The following PSD2 variants were observed in gnomAD, a reference collection of about 807,000 sequenced individuals.
PSD2 encodes the protein pleckstrin and Sec7 domain containing 2, also known as PH and SEC7 domain-containing protein 2.
PSD2 carries 38 observed loss-of-function variants against 69.8 expected under a neutral mutation model. That is an observed-to-expected ratio of 0.54 (90% confidence interval 0.42 to 0.71). The LOEUF (loss-of-function observed/expected upper bound fraction) is 0.71, where lower values mean the gene tolerates loss of function less well. Ranked by LOEUF, PSD2 falls within the 30% of genes least tolerant of loss-of-function variation. The pLI is 0.00. For synonymous variants in PSD2, 412 were observed against 423.0 expected (o/e 0.97, Z 0.32); for missense variants, 943 against 1,014.5 (o/e 0.93, Z 0.96).
In PSD2 at chr5:139,837,000, G is replaced by A. The variant is rs1452723596; in HGVS notation, c.1593G>A (p.Arg531=). ...RKTHADMDGK[R]TPRGRRGWKK... ...CTCACGCTGACATGGATGGCAAGAG[G>A]AGTGGGTGTCAGGCTGGGAGAGGGG... is the stretch of plus-strand genomic sequence containing the variant. The change falls in exon 10 of 15, where the codon AGG becomes AGA. Residue 531 remains arginine (R), a splice_region_variant and synonymous_variant. Coordinates refer to ENST00000274710, the MANE Select transcript of PSD2 (RefSeq NM_032289.4). 1.2e-6 allele frequency: 2 copies of A among 1,611,244 alleles called. No individual in the cohort carries two copies. Among genetic ancestry groups the A allele is most frequent in the East Asian group, 2.2e-5 (1 of 44,786 alleles).
intron 5 of PSD2, among the ~76,000 whole-genome samples, chr5:139,820,094 G>A (rs1205529229): frequency 1.3e-5 from 2 of 152,200 alleles, no homozygotes; most frequent in Non-Finnish European, 2.9e-5. Flanking sequence ...ACAGAGGGAA[G>A]AGTAAAAGGG....
chr5:139,788,826 T>C, the PSD2 span, among the ~76,000 whole-genome samples: 2 of 152,214 alleles, frequency 1.3e-5, no homozygotes, highest in African/African-American at 4.8e-5. Flanking sequence ...GGGGAGGGAT[T>C]GCACAGGCAG....
At position 139,830,582 on chromosome 5, in the gene PSD2, CTT is replaced by C. The variant is rs1211139443; in HGVS notation, c.1270-3118_1270-3117del. On this transcript the variant is annotated intron_variant, in intron 7 of 14. Transcript: ENST00000274710. ...CCTTCCTTCCTTTCTTTCTTTCTTT[CTT>C]TCTTTCTTTTTCTTTCTTTCTTTCT... 4.5e-3 allele frequency among the ~76,000 whole-genome samples: 634 copies of C among 139,342 alleles called. 12 individuals carry two copies. The highest frequency in any genetic ancestry group is 0.016 in the African/African-American group (563 of 34,190). 91.4% of individuals were successfully genotyped at this position (139,342 alleles called of 152,430 possible).
At chr5:139,764,262 A>G in the PSD2 span, among the ~76,000 whole-genome samples, 1 of 152,108 alleles carries the variant, frequency 6.6e-6, no homozygotes, top group Non-Finnish European at 1.5e-5. Flanking sequence ...CGCCGCCACA[A>G]CCGCAGTGGC....
the PSD2 span, among the ~76,000 whole-genome samples, chr5:139,782,029 G>A: frequency 1.2e-4 from 18 of 152,306 alleles, no homozygotes; most frequent in South Asian, 3.5e-3. Flanking sequence ...AGAAAACAAA[G>A]GGATCAGAAG....
the PSD2 span, among the ~76,000 whole-genome samples, chr5:139,743,062 G>A: frequency 1.6e-4 from 24 of 152,294 alleles, 1 homozygote; most frequent in African/African-American, 4.8e-4. Flanking sequence ...GTCATTTCCC[G>A]GCAAGCTGAG....
chr5:139,774,401 T>A, the PSD2 span, among the ~76,000 whole-genome samples: 1 of 151,914 alleles, frequency 6.6e-6, no homozygotes, highest in African/African-American at 2.4e-5. Flanking sequence ...AAATAGTGAA[T>A]AATGGGCAGG....
In PSD2 at chr5:139,839,601, G is replaced by A. The variant is rs1311142645; in HGVS notation, c.1969-426G>A. ...CCATTACGTGTATCTGCGCATGAAT[G>A]TAAGAGAACGCGTGTATCATATGGA... is the stretch of plus-strand genomic sequence containing the variant. On this transcript the variant is annotated intron_variant, in intron 13 of 14. Coordinates refer to ENST00000274710, the MANE Select transcript of PSD2 (RefSeq NM_032289.4). The surrounding 1 kb of genome is among the most constrained non-coding windows in gnomAD (Gnocchi z 5.1). Among the ~76,000 whole-genome samples the A allele has an allele frequency of 6.6e-6, 1 of 152,236 alleles. No individual in the cohort carries two copies. The highest frequency in any genetic ancestry group is 1.5e-5 in the Non-Finnish European group (1 of 68,042).
chr5:139,808,543 G>A (rs766189949), intron 1 of PSD2, among the ~76,000 whole-genome samples: 5 of 152,188 alleles, frequency 3.3e-5, no homozygotes, highest in Admixed American at 1.3e-4. Flanking sequence ...GCAGAGCAGG[G>A]CCTGACTCCC....
Position 139,840,024 on chromosome 5 carries a change from C to T in PSD2, c.1969-3C>T. 1 of 1,614,094 alleles carries T rather than the reference C, an allele frequency of 6.2e-7. No individual in the cohort carries two copies. On this transcript the variant is annotated splice_region_variant and splice_polypyrimidine_tract_variant and intron_variant, in intron 13 of 14. Transcript: ENST00000274710. ...CCTCACAGTCCAGGATTTGTCTTTG[C>T]AGGAGGAGCAACTGCGGTCTCATGA...
At position 139,830,010 on chromosome 5, in the gene PSD2, G is replaced by GAA. The variant is rs537099756; in HGVS notation, c.1270-3678_1270-3677dup. On this transcript the variant is annotated intron_variant, in intron 7 of 14. Coordinates refer to ENST00000274710, the MANE Select transcript of PSD2 (RefSeq NM_032289.4). Reference sequence around the variant, plus strand: ...CTCACCAACCCTTTTCTTTTTTTTTGAAAAAAAAAAAAAAAGATAGCCATC... The same window carrying GAA: ...CTCACCAACCCTTTTCTTTTTTTTTGAAAAAAAAAAAAAAAAAGATAGCCATC... 1.5e-3 allele frequency among the ~76,000 whole-genome samples: 163 copies of GAA among 111,302 alleles called. 1 individual carries two copies. Among genetic ancestry groups the GAA allele is most frequent in the African/African-American group, 4.0e-3 (128 of 32,184 alleles). The allele number at this position is 111,302 out of a possible 152,430, so 73.0% of individuals were successfully genotyped here.
chr5:139,817,260 G>A (rs752715925), intron 4 of PSD2, among the ~76,000 whole-genome samples: 7 of 152,198 alleles, frequency 4.6e-5, no homozygotes, highest in East Asian at 1.9e-4. Context: ...TGGTTAGCTC[G>A]TAATTCCCTG....
chr5:139,840,464 T>C (rs1439266691), intron 14 of PSD2, among the ~76,000 whole-genome samples: 1 of 152,234 alleles, frequency 6.6e-6, no homozygotes, highest in Non-Finnish European at 1.5e-5. Flanking sequence ...AATGTACTTA[T>C]TTCTCCATGC....
chr5:139,817,889 A>G (rs1760161117), intron 5 of PSD2, among the ~76,000 whole-genome samples: 1 of 152,188 alleles, frequency 6.6e-6, no homozygotes. Flanking sequence ...CTCTGTACCC[A>G]GTAAGGTAGG....
intron 7 of PSD2, among the ~76,000 whole-genome samples, chr5:139,826,457 G>T (rs946736902): frequency 6.6e-6 from 1 of 152,160 alleles, no homozygotes; most frequent in Non-Finnish European, 1.5e-5. Context: ...AGTGTGAGTG[G>T]GGAATGTTGA....
chr5:139,752,326 C>T, the PSD2 span, among the ~76,000 whole-genome samples: 1 of 152,144 alleles, frequency 6.6e-6, no homozygotes, highest in Non-Finnish European at 1.5e-5. Context: ...ATAAGAACAC[C>T]CTTCCACTCC....
At chr5:139,823,063 G>C (rs1416367472) in intron 7 of PSD2, among the ~76,000 whole-genome samples, 2 of 152,150 alleles carry the variant, frequency 1.3e-5, no homozygotes, top group African/African-American at 4.8e-5. Flanking sequence ...AAGAGATCAT[G>C]TGCCCTTTGT....
Position 139,809,492 on chromosome 5 carries a change from C to T in PSD2, c.52C>T (p.Arg18Cys), listed in dbSNP as rs146689892. ...SAVPEEGDAT[R>C]DPGPEPEEEP... ...AGTGCCTGAGGAAGGCGATGCCACC[C>T]GTGACCCCGGTCCAGAGCCTGAAGA... is the stretch of plus-strand genomic sequence containing the variant. Residue 18 changes from arginine to cysteine, a missense_variant, in exon 2 of 15, where the codon CGT becomes TGT. Arg to Cys is a radical substitution (Grantham distance 180). Around this residue, in one of 3 missense-constraint regions of PSD2, gnomAD observed 466 missense variants for 445.0 expected, o/e 1.05. Transcript: ENST00000274710. The T allele has an allele frequency of 2.0e-4, 320 of 1,612,560 alleles. No homozygotes were observed. Among genetic ancestry groups the T allele is most frequent in the Non-Finnish European group, 2.5e-4 (291 of 1,179,392 alleles).
chr5:139,842,130 T>C, intron 14 of PSD2, 141 bp from the exon 15 acceptor site: 1 of 652,098 alleles, frequency 1.5e-6, no homozygotes, highest in South Asian at 2.2e-5. Flanking sequence ...TTGTTTATTT[T>C]TTAATTGGAC....
Sources: gnomAD v4.1 joint callset for allele counts (sites outside exome capture counted in the v4.1 genomes callset) on GRCh38, gnomAD v4.1.1 for gene constraint, gnomAD v4.1.1 regional missense constraint, Gnocchi (gnomAD v3.1) non-coding constraint, MANE v1.5 for transcripts, NCBI Gene and HGNC (gene_info 2026-07-23, HGNC 2026-07-21) for gene names.